AHNAK: variants seen among roughly 807,000 people sequenced by gnomAD.
AHNAK encodes neuroblast differentiation-associated protein AHNAK.
A neutral mutation model predicts 37.8 loss-of-function variants in AHNAK; 23 were observed. The observed-to-expected ratio is 0.61, with a 90% CI of 0.44 to 0.86. The LOEUF is 0.86. Ranked by LOEUF, AHNAK falls within the 40% of genes least tolerant of loss-of-function variation. The pLI, the probability that AHNAK is intolerant of heterozygous loss-of-function variation, is 0.00. For synonymous variants in AHNAK, 2,481 were observed against 2,636.3 expected, an observed-to-expected ratio of 0.94 and a Z score of 1.80; for missense variants, 7,411 against 7,319.4, an observed-to-expected ratio of 1.01 and a Z score of -0.46.
chr11:62,507,448 C>T (rs1235323535), intron 4 of AHNAK, among the ~76,000 whole-genome samples: 2 of 152,170 alleles, frequency 1.3e-5, no homozygotes. Flanking sequence ...TTAAATCATC[C>T]TCCCAACAAA....
chr11:62,476,013 A>G (rs757399283), intron 5 of AHNAK, among the ~76,000 whole-genome samples: 2 of 152,190 alleles, frequency 1.3e-5, no homozygotes, highest in Non-Finnish European at 2.9e-5. Context: ...GTTAGACCAA[A>G]GCAAATTCAA....
At position 62,528,350 on chromosome 11, in the gene AHNAK, C is replaced by T. The variant is rs368727459; in HGVS notation, c.6067G>A (p.Val2023Ile). ...TCCATTTTGGGTCCTTTGATGTCAA[C>T]ATCTGGCACTTTCATTTCACCTTCT... ...KVEGEMKVPD[V>I]DIKGPKMDID... The change falls in exon 5 of 5, where the codon GTT becomes ATT. Residue 2023 changes from valine (V) to isoleucine (I), a missense_variant. Transcript: ENST00000378024. 3.1e-6 allele frequency: 5 copies of T among 1,613,858 alleles called. No individual in the cohort carries two copies. The highest frequency in any genetic ancestry group is 4.2e-6 in the Non-Finnish European group (5 of 1,180,018).
intron 5 of AHNAK, among the ~76,000 whole-genome samples, chr11:62,452,939 C>A (rs1938573861): frequency 6.6e-6 from 1 of 152,092 alleles, no homozygotes; most frequent in African/African-American, 2.4e-5. Context: ...GCACAAGAAT[C>A]GCTTGAACCC....
At position 62,523,471 on chromosome 11, in the gene AHNAK, C is replaced by T. The variant is rs1940347040; in HGVS notation, c.10946G>A (p.Gly3649Asp). Residue 3649 changes from glycine to aspartate, a missense_variant, in exon 5 of 5, where the codon GGT (glycine) becomes GAT (aspartate). Physicochemically the swap from Gly to Asp is moderately conservative, Grantham distance 94. Transcript: ENST00000378024. The part of the protein sequence containing the change: ...DVDVPDVNIE[G>D]PDAKLKGPKF... ...GGGGCCCTTCAGCTTTGCATCTGGA[C>T]CTTCAATATTCACGTCTGGAACATC... The T allele has an allele frequency of 6.2e-7, 1 of 1,613,230 alleles. No homozygotes were observed. The highest frequency in any genetic ancestry group is 8.5e-7 in the Non-Finnish European group (1 of 1,179,866).
chr11:62,517,386 T>C lies in AHNAK; in HGVS notation c.17031A>G (p.Glu5677=), dbSNP rs1940057059. 6.2e-7 allele frequency: 1 copy of C among 1,614,160 alleles called. No homozygotes were observed. Among genetic ancestry groups the C allele is most frequent in the South Asian group, 1.1e-5 (1 of 91,084 alleles). ...TFSGRELVGR[E]MGVDVHFPKA... Reference sequence around the variant, plus strand: ...TAGGGAAGTGAACATCCACCCCCATTTCTCTGCCAACCAGCTCACGGCCAG... The same window carrying C: ...TAGGGAAGTGAACATCCACCCCCATCTCTCTGCCAACCAGCTCACGGCCAG... Residue 5677 remains glutamate (E), a synonymous_variant, in exon 5 of 5, where the codon GAA becomes GAG. Transcript: ENST00000378024.
intron 4 of AHNAK, among the ~76,000 whole-genome samples, chr11:62,509,616 A>G (rs561591901): frequency 6.6e-6 from 1 of 152,040 alleles, no homozygotes; most frequent in Non-Finnish European, 1.5e-5. Context: ...TCAACAATTG[A>G]ACCCCAAAGA....
In AHNAK at chr11:62,516,701, G is replaced by A. The variant is rs776111917; in HGVS notation, c.*43C>T. The A allele has an allele frequency of 6.5e-7, 1 of 1,537,976 alleles. No homozygotes were observed. The highest frequency in any genetic ancestry group is 8.7e-7 in the Non-Finnish European group (1 of 1,147,986). ...TAGGAACACACCACCCAAGGCTGAT[G>A]TTTTGTTATATATATATATATGTAC... On this transcript the variant is annotated 3_prime_UTR_variant, in exon 5 of 5. Transcript: ENST00000378024.
At chr11:62,510,468 G>A (rs1231528851) in intron 4 of AHNAK, among the ~76,000 whole-genome samples, 2 of 151,996 alleles carry the variant, frequency 1.3e-5, no homozygotes, top group Non-Finnish European at 2.9e-5. Context: ...TATGAGCCAG[G>A]TGCGGTGGCT....
chr11:62,519,908 A>T lies in AHNAK; in HGVS notation c.14509T>A (p.Phe4837Ile), dbSNP rs1940167768. ...TTGATATTTATTTCAGGCATCTTGA[A>T]CTTGGGGCCCTTCAGTTTTGCGTCT... ...GPDAKLKGPK[F>I]KMPEINIKAP... The change falls in exon 5 of 5, where the codon TTC becomes ATC. Residue 4837 changes from phenylalanine to isoleucine, a missense_variant. Phe to Ile is a conservative substitution (Grantham distance 21). Coordinates refer to ENST00000378024, the MANE Select transcript of AHNAK (RefSeq NM_001620.3). 6.2e-7 allele frequency: 1 copy of T among 1,613,750 alleles called. No individual in the cohort carries two copies. Among genetic ancestry groups the T allele is most frequent in the Non-Finnish European group, 8.5e-7 (1 of 1,179,920 alleles).
intron 1 of AHNAK, among the ~76,000 whole-genome samples, chr11:62,539,161 C>G (rs1590691044): frequency 6.6e-6 from 1 of 152,226 alleles, no homozygotes; most frequent in African/African-American, 2.4e-5. Flanking sequence ...CAGCAAGAAA[C>G]AGCAAAGCTG....
chr11:62,532,995 A>G lies in AHNAK; in HGVS notation c.1422T>C (p.Ile474=), dbSNP rs1940815796. Residue 474 remains isoleucine, a synonymous_variant, in exon 5 of 5, where the codon ATT becomes ATC. Coordinates refer to ENST00000378024, the MANE Select transcript of AHNAK (RefSeq NM_001620.3). The stretch of plus-strand genomic sequence containing the variant: ...TCTTTCCTTCCAGCCCACCAGTAGC[A>G]ATCTCAGGCAGGCTGACATCCCCAG... The part of the protein sequence containing the change: ...GVSGDVSLPE[I]ATGGLEGKMK... 1.2e-6 allele frequency: 2 copies of G among 1,614,134 alleles called. No homozygotes were observed. Among genetic ancestry groups the G allele is most frequent in the Non-Finnish European group, 1.7e-6 (2 of 1,180,026 alleles).
downstream of AHNAK, among the ~76,000 whole-genome samples, chr11:62,513,648 C>G (rs543447911): frequency 2.6e-5 from 4 of 152,154 alleles, no homozygotes; most frequent in Non-Finnish European, 4.4e-5. Flanking sequence ...GGTGCGCCCT[C>G]CACACACCAC....
intron 5 of AHNAK, among the ~76,000 whole-genome samples, chr11:62,482,656 G>A (rs1054716494): frequency 1.3e-5 from 2 of 152,126 alleles, no homozygotes; most frequent in Non-Finnish European, 2.9e-5. Flanking sequence ...GCACCTCAGA[G>A]GGTGAGTGCT....
In AHNAK at chr11:62,521,080, T is replaced by C. The variant is rs1260801678; in HGVS notation, c.13337A>G (p.Lys4446Arg). Reference protein sequence around the residue: ...EGPEGKLKGPKFKMPEMNIKA... With the variant: ...EGPEGKLKGPRFKMPEMNIKA... ...GATGTTCATCTCAGGCATCTTAAATTTGGGCCCCTTCAATTTTCCTTCCGG... is the reference window on the plus strand; with the variant it reads ...GATGTTCATCTCAGGCATCTTAAATCTGGGCCCCTTCAATTTTCCTTCCGG... Residue 4446 changes from lysine to arginine, a missense_variant, in exon 5 of 5, where the codon AAA becomes AGA. Transcript: ENST00000378024. The C allele has an allele frequency of 4.3e-6, 7 of 1,613,950 alleles. No individual in the cohort carries two copies. The South Asian group carries it at 6.6e-5, about 15-fold the overall frequency.
chr11:62,510,656 A>G (rs1939892982), intron 4 of AHNAK, among the ~76,000 whole-genome samples: 1 of 152,036 alleles, frequency 6.6e-6, no homozygotes, highest in South Asian at 2.1e-4. Flanking sequence ...AGACAGGAGA[A>G]TTGCTTGAGC....
At position 62,518,243 on chromosome 11, in the gene AHNAK, G is replaced by T; in HGVS notation, c.16174C>A (p.Leu5392Ile). Residue 5392 changes from leucine (L) to isoleucine (I), a missense_variant, in exon 5 of 5, where the codon CTA becomes ATA. Coordinates refer to ENST00000378024, the MANE Select transcript of AHNAK (RefSeq NM_001620.3). ...CTGCCTTCGGATGCCTCCAAGCTTAGATCAGGAGCTCCTACGGATACTTTA... is the reference window on the plus strand; with the variant it reads ...CTGCCTTCGGATGCCTCCAAGCTTATATCAGGAGCTCCTACGGATACTTTA... Reference protein sequence around the residue: ...CPKVSVGAPDLSLEASEGSIK... With the variant: ...CPKVSVGAPDISLEASEGSIK... 1.2e-6 allele frequency: 2 copies of T among 1,614,202 alleles called. No individual in the cohort carries two copies. The highest frequency in any genetic ancestry group is 1.7e-6 in the Non-Finnish European group (2 of 1,180,036).
At chr11:62,457,973 G>A (rs1288698932) in intron 5 of AHNAK, among the ~76,000 whole-genome samples, 1 of 150,956 alleles carries the variant, frequency 6.6e-6, no homozygotes, top group African/African-American at 2.4e-5. Flanking sequence ...GAGCGCAGTG[G>A]CGCGATCTCA....
At chr11:62,546,571 C>T (rs1298636505) in intron 1 of AHNAK, 89 bp downstream of exon 1, 1 of 152,308 alleles carries the variant, frequency 6.6e-6, no homozygotes, top group Non-Finnish European at 1.5e-5. Context: ...CAACAACGCG[C>T]CCTGCCGGAG....
chr11:62,526,160 G>C lies in AHNAK; in HGVS notation c.8257C>G (p.Pro2753Ala), dbSNP rs1255160272. ...IKGPKVDIDA[P>A]DVDVHGPDWH... ...TCTGGGCCATGAACATCAACATCAG[G>C]TGCGTCAATGTCCACTTTTGGGCCC... is the stretch of plus-strand genomic sequence containing the variant. Residue 2753 changes from proline (P) to alanine (A), a missense_variant, in exon 5 of 5, where the codon CCT becomes GCT. Coordinates refer to ENST00000378024, the MANE Select transcript of AHNAK (RefSeq NM_001620.3). 6.2e-7 allele frequency: 1 copy of C among 1,613,506 alleles called. No homozygotes were observed. The highest frequency in any genetic ancestry group is 2.2e-5 in the East Asian group (1 of 44,836).
Sources: allele counts gnomAD v4.1 joint callset (sites outside exome capture counted in the v4.1 genomes callset), GRCh38; gene constraint gnomAD v4.1.1; transcripts MANE v1.5; gene names NCBI Gene and HGNC (gene_info 2026-07-23, HGNC 2026-07-21).